Variants in DIS3L2 observed in about 807,000 individuals in gnomAD.
The protein encoded by DIS3L2 is DIS3-like exonuclease 2.
DIS3L2 carries 34 observed loss-of-function variants against 97.5 expected under a neutral mutation model. The ratio of observed to expected loss-of-function variants is 0.35; its 90% CI spans 0.27 to 0.46. The LOEUF is 0.46. Among genes scored for constraint, DIS3L2 ranks in the 20% least tolerant of loss-of-function variants. The pLI is 1.00. For missense variants in DIS3L2, 1,038 were observed against 1,146.0 expected (o/e 0.91, Z 1.36); for synonymous variants, 435 against 445.2 (o/e 0.98, Z 0.29).
rs772470899 is a variant in DIS3L2 at position 232,136,565 on chromosome 2, G to A, written c.796G>A (p.Ala266Thr). Residue 266 changes from alanine (A) to threonine (T), a missense_variant, in exon 8 of 21, where the codon GCC (alanine) becomes ACC (threonine). This residue lies in a region of DIS3L2 where 813 missense variants were observed against 880.1 expected (regional missense o/e 0.92). Transcript: ENST00000325385. ...DKNSELFRKY[A>T]LFSPSDHRVP... is the part of the protein sequence containing the mutation. ...GAACAGCGAACTGTTTAGGAAATACGCCCTGTTTTCTCCCTCAGACCACCG... is the reference window on the plus strand; with the variant it reads ...GAACAGCGAACTGTTTAGGAAATACACCCTGTTTTCTCCCTCAGACCACCG... 6.8e-6 allele frequency: 11 copies of A among 1,613,850 alleles called. No individual in the cohort carries two copies. The highest frequency in any genetic ancestry group is 1.6e-4 in the Middle Eastern group (1 of 6,082).
intron 14 of DIS3L2, among the ~76,000 whole-genome samples, chr2:232,316,212 A>T (rs976341390): frequency 3.3e-5 from 5 of 152,036 alleles, no homozygotes; most frequent in Non-Finnish European, 5.9e-5. Flanking sequence ...TTGTTCTATA[A>T]ATCTGTTAAT....
intron 13 of DIS3L2, among the ~76,000 whole-genome samples, chr2:232,282,761 C>T (rs1694326614): frequency 6.6e-6 from 1 of 152,200 alleles, no homozygotes; most frequent in South Asian, 2.1e-4. Context: ...TGCTGGGGGC[C>T]TCTGCACAAA....
chr2:231,984,700 A>G (rs553785507), intron 1 of DIS3L2, among the ~76,000 whole-genome samples: 1 of 151,764 alleles, frequency 6.6e-6, no homozygotes, highest in African/African-American at 2.4e-5. Flanking sequence ...GCCAACTGCA[A>G]CTTCTATCTC....
At position 232,130,691 on chromosome 2, in the gene DIS3L2, C is replaced by T. The variant is rs201453807; in HGVS notation, c.674C>T (p.Ser225Leu). The change falls in exon 7 of 21, where the codon TCG (serine) becomes TTG (leucine). Residue 225 changes from serine (S) to leucine (L), a missense_variant. Physicochemically the swap from Ser to Leu is moderately radical, Grantham distance 145. Transcript: ENST00000325385. ...ATTTCACAAGACACAAGAGCTTTAT[C>T]GGAGAAATCCCTGCAAAGATCAGCA... The part of the protein sequence containing the change: ...TCISQDTRAL[S>L]EKSLQRSAKV... 27 of 1,613,884 alleles carry T rather than the reference C, an allele frequency of 1.7e-5. No homozygotes were observed. Among genetic ancestry groups the T allele is most frequent in the African/African-American group, 1.6e-4 (12 of 74,998 alleles).
intron 9 of DIS3L2, among the ~76,000 whole-genome samples, chr2:232,193,789 C>G (rs979008095): frequency 6.6e-6 from 1 of 152,140 alleles, no homozygotes; most frequent in African/African-American, 2.4e-5. Flanking sequence ...ATTCATGGCT[C>G]TACTAGCCTT....
chr2:232,305,294 T>G (rs1032549481), intron 14 of DIS3L2, among the ~76,000 whole-genome samples: 4 of 152,058 alleles, frequency 2.6e-5, no homozygotes, highest in African/African-American at 9.7e-5. Flanking sequence ...GCCAGGCTGG[T>G]CTCAAACTCC....
intron 8 of DIS3L2, among the ~76,000 whole-genome samples, chr2:232,141,336 C>A (rs3116173): frequency 6.6e-6 from 1 of 151,952 alleles, no homozygotes; most frequent in African/African-American, 2.4e-5. Context: ...AAACGTTTTA[C>A]AGCAGCTACC....
chr2:232,317,783 GAATT>G (rs1192885455), intron 14 of DIS3L2, among the ~76,000 whole-genome samples: 2 of 152,222 alleles, frequency 1.3e-5, no homozygotes, highest in South Asian at 2.1e-4. Context: ...AATTGTCACT[GAATT>G]AATTGTCTCC....
chr2:232,137,370 A>G (rs949019668), intron 8 of DIS3L2, among the ~76,000 whole-genome samples: 1 of 152,220 alleles, frequency 6.6e-6, no homozygotes, highest in Admixed American at 6.5e-5. Context: ...TTCTTCTTAG[A>G]ACTGGTATTC....
chr2:232,261,679 C>T (rs1693715565), intron 12 of DIS3L2, among the ~76,000 whole-genome samples: 1 of 152,144 alleles, frequency 6.6e-6, no homozygotes, highest in South Asian at 2.1e-4. Context: ...CCTATATTTT[C>T]CTAAAATAGC....
At chr2:232,026,651 A>G (rs1006345214) in intron 4 of DIS3L2, among the ~76,000 whole-genome samples, 3 of 151,966 alleles carry the variant, frequency 2.0e-5, no homozygotes, top group Non-Finnish European at 4.4e-5. Context: ...TCCTTGTCTG[A>G]TGGGGAGGGT....
At chr2:232,092,263 G>T (rs1696866121) in intron 6 of DIS3L2, among the ~76,000 whole-genome samples, 1 of 152,184 alleles carries the variant, frequency 6.6e-6, no homozygotes, top group South Asian at 2.1e-4. Context: ...TGTTCCACTG[G>T]TCTGTGTATC....
At chr2:232,285,628 T>G (rs566412812) in intron 13 of DIS3L2, among the ~76,000 whole-genome samples, 1 of 152,260 alleles carries the variant, frequency 6.6e-6, no homozygotes, top group East Asian at 1.9e-4. Flanking sequence ...TGCCAAGACT[T>G]TAGAGCCGTA....
intron 1 of DIS3L2, among the ~76,000 whole-genome samples, chr2:232,000,529 C>CCTGGCTTAT (rs1399751526): frequency 6.6e-6 from 1 of 152,022 alleles, no homozygotes; most frequent in African/African-American, 2.4e-5. Flanking sequence ...TCTTTCTATG[C>CCTGGCTTAT]CTGGCTTATT....
intron 13 of DIS3L2, among the ~76,000 whole-genome samples, chr2:232,286,667 A>C (rs186520242): frequency 2.6e-5 from 4 of 152,328 alleles, no homozygotes; most frequent in African/African-American, 9.6e-5. Flanking sequence ...TCTTTTTTAC[A>C]TAGGAGGCAC....
intron 8 of DIS3L2, among the ~76,000 whole-genome samples, chr2:232,148,567 G>A (rs1349855693): frequency 6.6e-6 from 1 of 152,096 alleles, no homozygotes; most frequent in African/African-American, 2.4e-5. Context: ...GGAACTTGGA[G>A]TCATTGATCA....
At chr2:232,051,220 T>C (rs1695389965) in intron 5 of DIS3L2, among the ~76,000 whole-genome samples, 1 of 152,186 alleles carries the variant, frequency 6.6e-6, no homozygotes, top group Admixed American at 6.5e-5. Flanking sequence ...CACCTATAAA[T>C]GGTATAAGTT....
intron 5 of DIS3L2, among the ~76,000 whole-genome samples, chr2:232,043,986 C>T (rs555794432): frequency 1.3e-5 from 2 of 152,242 alleles, no homozygotes; most frequent in African/African-American, 2.4e-5. Flanking sequence ...TGTACAAAGG[C>T]ATTGGAGACT....
chr2:232,067,928 A>C (rs892703245), intron 5 of DIS3L2, among the ~76,000 whole-genome samples: 1 of 152,160 alleles, frequency 6.6e-6, no homozygotes, highest in African/African-American at 2.4e-5. Flanking sequence ...ATGTTTTCAA[A>C]GATGGGAGGT....
Sources: allele counts gnomAD v4.1 joint callset (sites outside exome capture counted in the v4.1 genomes callset), GRCh38; gene constraint gnomAD v4.1.1; regional missense constraint gnomAD v4.1.1; transcripts MANE v1.5; gene names NCBI Gene and HGNC (gene_info 2026-07-23, HGNC 2026-07-21).